TMEM143: variants seen among roughly 807,000 people sequenced by gnomAD.
The protein encoded by TMEM143 is transmembrane protein 143.
In TMEM143, 45 loss-of-function variants were observed where a neutral mutation model predicts 40.3. The observed-to-expected ratio is 1.12, with a 90% CI of 0.88 to 1.43. TMEM143 has a LOEUF of 1.43. Among genes scored for constraint, TMEM143 ranks in the 40% most tolerant of loss-of-function variants. TMEM143 has a pLI of 0.00. For missense variants in TMEM143, 620 were observed against 613.4 expected (o/e 1.01, Z -0.11); for synonymous variants, 299 against 282.7 (o/e 1.06, Z -0.58).
At chr19:48,363,045 CCA>C (rs1334425272) in intron 2 of TMEM143, among the ~76,000 whole-genome samples, 1 of 152,158 alleles carries the variant, frequency 6.6e-6, no homozygotes, top group Non-Finnish European at 1.5e-5. Context: ...AAACCATGCC[CCA>C]GAGAGTGCCT....
chr19:48,356,506 C>T (rs113231514), intron 3 of TMEM143, among the ~76,000 whole-genome samples: 1 of 150,300 alleles, frequency 6.7e-6, no homozygotes, highest in African/African-American at 2.4e-5. Context: ...TCTCAGCTCA[C>T]TGCAACCTCC....
intron 6 of TMEM143, among the ~76,000 whole-genome samples, chr19:48,335,759 T>C (rs1023561015): frequency 4.6e-5 from 7 of 152,012 alleles, no homozygotes; most frequent in African/African-American, 1.7e-4. Context: ...CTGGGTGTGA[T>C]GGTGAGCACC....
At chr19:48,334,476 TTC>T (rs1420816823) in intron 6 of TMEM143, among the ~76,000 whole-genome samples, 1 of 60,042 alleles carries the variant, frequency 1.7e-5, no homozygotes, top group East Asian at 4.5e-4. Flanking sequence ...CTTTCTTTCT[TTC>T]TTTTTCTTTC....
intron 3 of TMEM143, among the ~76,000 whole-genome samples, chr19:48,345,603 C>A (rs149192536): frequency 1.4e-5 from 2 of 146,896 alleles, no homozygotes; most frequent in Non-Finnish European, 3.0e-5. Context: ...GGACTACAGG[C>A]GCACGCCACC....
At chr19:48,345,585 A>C (rs1969608163) in intron 3 of TMEM143, among the ~76,000 whole-genome samples, 1 of 151,124 alleles carries the variant, frequency 6.6e-6, no homozygotes, top group Non-Finnish European at 1.5e-5. Flanking sequence ...CAGCCTCCCA[A>C]GTAGCTGGGA....
intron 5 of TMEM143, 166 bp downstream of exon 5, chr19:48,343,155 C>T: frequency 1.1e-6 from 1 of 888,466 alleles, no homozygotes; most frequent in Non-Finnish European, 1.7e-6. Flanking sequence ...GTGTAGTACT[C>T]ACTTTCCCTT....
chr19:48,345,624 A>AATAT (rs537567489), intron 3 of TMEM143, among the ~76,000 whole-genome samples: 2 of 149,162 alleles, frequency 1.3e-5, no homozygotes, highest in Non-Finnish European at 3.0e-5. Context: ...ATGCCCGGGT[A>AATAT]ATATATATAT....
At chr19:48,338,215 T>C (rs1969414891) in intron 6 of TMEM143, among the ~76,000 whole-genome samples, 1 of 152,098 alleles carries the variant, frequency 6.6e-6, no homozygotes, top group Non-Finnish European at 1.5e-5. Flanking sequence ...GCCCGTCTCC[T>C]CCTCTGCAGC....
At chr19:48,350,813 T>G (rs1969751477) in intron 3 of TMEM143, among the ~76,000 whole-genome samples, 1 of 148,524 alleles carries the variant, frequency 6.7e-6, no homozygotes, top group African/African-American at 2.5e-5. Context: ...TCCCAGCTAC[T>G]TGGGAGACTG....
chr19:48,343,096 G>A, intron 5 of TMEM143: 1 of 706,460 alleles, frequency 1.4e-6, no homozygotes, highest in South Asian at 2.0e-5. Flanking sequence ...TTTCCTTATT[G>A]GAAAATGGGG....
chr19:48,337,246 C>T (rs564756740), intron 6 of TMEM143, among the ~76,000 whole-genome samples: 87 of 151,842 alleles, frequency 5.7e-4, no homozygotes, highest in South Asian at 2.9e-3. Context: ...AGTCAATACA[C>T]GGTTAATAAA....
intron 6 of TMEM143, among the ~76,000 whole-genome samples, chr19:48,336,896 C>A (rs1969382484): frequency 6.6e-6 from 1 of 151,754 alleles, no homozygotes; most frequent in African/African-American, 2.4e-5. Flanking sequence ...TGGTGGGTGC[C>A]TGTAGTCCCA....
At chr19:48,363,265 G>C (rs1364975789) in intron 2 of TMEM143, 26 bp downstream of exon 2, 1 of 1,597,060 alleles carries the variant, frequency 6.3e-7, no homozygotes, top group African/African-American at 1.4e-5. Flanking sequence ...TAGTCCCCAG[G>C]CTCTTGGGCC....
Position 48,356,418 on chromosome 19 carries a change from G to A in TMEM143, c.369+3654C>T, listed in dbSNP as rs1219153175. On this transcript the variant is annotated intron_variant, in intron 3 of 7. Coordinates refer to ENST00000293261, the MANE Select transcript of TMEM143 (RefSeq NM_018273.4). ...TGGGATTACAGGCGTGAGTCACCAC[G>A]CCCGGCCCTCCTTTTTTTTTTTTTT... is the stretch of plus-strand genomic sequence containing the variant. Among the ~76,000 whole-genome samples the A allele has an allele frequency of 1.1e-4, 14 of 131,022 alleles. No individual in the cohort carries two copies. The South Asian group carries it at 1.3e-3, about 12-fold the overall frequency. The allele number at this position is 131,022 out of a possible 152,430, so 86.0% of individuals were successfully genotyped here.
chr19:48,359,580 C>A (rs1212154421), intron 3 of TMEM143, among the ~76,000 whole-genome samples: 1 of 147,442 alleles, frequency 6.8e-6, no homozygotes, highest in African/African-American at 2.5e-5. Context: ...AATCTTGGCT[C>A]ACTGCAAGCT....
Position 48,332,899 on chromosome 19 carries a change from G to A in TMEM143, c.*320C>T. 4.6e-6 allele frequency: 1 copy of A among 219,650 alleles called. No individual in the cohort carries two copies. The highest frequency in any genetic ancestry group is 8.9e-6 in the Non-Finnish European group (1 of 111,994). 13.6% of individuals were successfully genotyped at this position (219,650 alleles called of 1,614,324 possible). ...GGCGGTTTACAGAAGCCAGAGCTGA[G>A]CAGCTGTGATTGGCAGACACCCTCA... On this transcript the variant is annotated 3_prime_UTR_variant, in exon 8 of 8. Coordinates refer to ENST00000293261, the MANE Select transcript of TMEM143 (RefSeq NM_018273.4).
intron 3 of TMEM143, among the ~76,000 whole-genome samples, chr19:48,355,844 T>C (rs1240426165): frequency 6.6e-6 from 1 of 152,174 alleles, no homozygotes; most frequent in East Asian, 1.9e-4. Context: ...GTTAATGTTG[T>C]CATCTATGGT....
At chr19:48,334,444 TTCTTTCTTTC>T (rs2147352293) in intron 6 of TMEM143, among the ~76,000 whole-genome samples, 1 of 45,110 alleles carries the variant, frequency 2.2e-5, no homozygotes, top group South Asian at 5.8e-4. Context: ...CTTTCTTTCT[TTCTTTCTTTC>T]TTTCTTTCTT....
intron 3 of TMEM143, among the ~76,000 whole-genome samples, chr19:48,349,453 G>A (rs1174145059): frequency 6.6e-6 from 1 of 152,308 alleles, no homozygotes; most frequent in South Asian, 2.1e-4. Context: ...AGACCAGCCT[G>A]AGCAACGCGG....
Sources: allele counts gnomAD v4.1 joint callset (sites outside exome capture counted in the v4.1 genomes callset), GRCh38; gene constraint gnomAD v4.1.1; transcripts MANE v1.5; gene names NCBI Gene and HGNC (gene_info 2026-07-23, HGNC 2026-07-21).